Variants in KIF1B observed in about 807,000 individuals in gnomAD.
KIF1B encodes kinesin-like protein KIF1B.
In KIF1B, 76 loss-of-function variants were observed where a neutral mutation model predicts 241.9. The observed-to-expected ratio is 0.31, with a 90% CI of 0.26 to 0.38. The LOEUF (loss-of-function observed/expected upper bound fraction) is 0.38, where lower values mean the gene tolerates loss of function less well. Among genes scored for constraint, KIF1B ranks in the 10% least tolerant of loss-of-function variants. The pLI is 1.00. For synonymous variants in KIF1B, 750 were observed against 796.7 expected (o/e 0.94, Z 0.99); for missense variants, 1,622 against 2,271.4 (o/e 0.71, Z 5.81).
At chr1:10,222,769 A>T (rs897495612) in intron 1 of KIF1B, among the ~76,000 whole-genome samples, 38 of 152,312 alleles carry the variant, frequency 2.5e-4, no homozygotes, top group African/African-American at 9.1e-4. Context: ...GCTCCATTCC[A>T]CTTTCCTAAC....
intron 1 of KIF1B, among the ~76,000 whole-genome samples, chr1:10,212,915 T>TATATATAC (rs1646715006): frequency 8.2e-6 from 1 of 121,676 alleles, no homozygotes; most frequent in South Asian, 2.4e-4. Flanking sequence ...TATATATATA[T>TATATATAC]ATATATATAT....
At chr1:10,227,589 G>C (rs1474473869) in intron 1 of KIF1B, 1 of 151,944 alleles carries the variant, frequency 6.6e-6, no homozygotes, top group African/African-American at 2.4e-5. Flanking sequence ...TTAATAAGCT[G>C]TGTATTTCCT....
chr1:10,277,194 C>T (rs529185876), intron 12 of KIF1B, among the ~76,000 whole-genome samples: 1 of 151,672 alleles, frequency 6.6e-6, no homozygotes, highest in Non-Finnish European at 1.5e-5. Flanking sequence ...ACCTGTAGTC[C>T]TAGCTACTTG....
Position 10,303,886 on chromosome 1 carries a change from G to A in KIF1B, c.2115+6640G>A, listed in dbSNP as rs1432098952. 18 of 1,614,112 alleles carry A rather than the reference G, an allele frequency of 1.1e-5. No individual in the cohort carries two copies. Among genetic ancestry groups the A allele is most frequent in the Non-Finnish European group, 1.4e-5 (16 of 1,180,038 alleles). On this transcript the variant is annotated intron_variant, in intron 22 of 48. Coordinates refer to ENST00000676179, the MANE Select transcript of KIF1B (RefSeq NM_001365951.3). The surrounding 1 kb of genome is among the most constrained non-coding windows in gnomAD (Gnocchi z 5.2). Reference sequence around the variant, plus strand: ...AGGAGACAATGGAGAACTTGCAAAAGAAGAACGTGTTTCCCAGCTGATGAA... The same window carrying A: ...AGGAGACAATGGAGAACTTGCAAAAAAAGAACGTGTTTCCCAGCTGATGAA...
intron 15 of KIF1B, among the ~76,000 whole-genome samples, chr1:10,290,255 A>G (rs1249367736): frequency 6.6e-6 from 1 of 152,110 alleles, no homozygotes; most frequent in Non-Finnish European, 1.5e-5. Context: ...TGCTGCCCCT[A>G]TCAACCCGTT....
At chr1:10,347,957 C>CT in intron 36 of KIF1B, 130 bp downstream of exon 36, 1 of 720,176 alleles carries the variant, frequency 1.4e-6, no homozygotes, top group South Asian at 1.7e-5. Flanking sequence ...GTCCTGTTGT[C>CT]ATTTTTTTTT....
chr1:10,290,530 G>A (rs187295324), intron 15 of KIF1B, among the ~76,000 whole-genome samples: 1 of 151,904 alleles, frequency 6.6e-6, no homozygotes, highest in African/African-American at 2.4e-5. Context: ...TGCTCAGGCT[G>A]CAGTGCAGTG....
At chr1:10,264,720 G>A (rs571012568) in intron 5 of KIF1B, among the ~76,000 whole-genome samples, 3 of 151,840 alleles carry the variant, frequency 2.0e-5, no homozygotes, top group Non-Finnish European at 2.9e-5. Flanking sequence ...GGAGTGCAGC[G>A]GCGCGGTCTC....
At chr1:10,319,664 T>G (rs1190001280) in intron 22 of KIF1B, among the ~76,000 whole-genome samples, 1 of 152,220 alleles carries the variant, frequency 6.6e-6, no homozygotes, top group African/African-American at 2.4e-5. Context: ...ATATTGTTTT[T>G]CTCTGGAATT....
At chr1:10,282,636 C>G (rs1428051075) in intron 15 of KIF1B, 103 bp downstream of exon 15, 16 of 960,906 alleles carry the variant, frequency 1.7e-5, no homozygotes, top group Non-Finnish European at 5.0e-6. Context: ...ATGGAGAACT[C>G]TTTGACTCTT....
chr1:10,348,831 A>G, intron 37 of KIF1B, 98 bp downstream of exon 37: 1 of 857,584 alleles, frequency 1.2e-6, no homozygotes, highest in Non-Finnish European at 1.9e-6. Context: ...GCTGGAGTAC[A>G]GTGATGAGAT....
chr1:10,367,322 C>T (rs1638603637), intron 43 of KIF1B, among the ~76,000 whole-genome samples: 1 of 151,488 alleles, frequency 6.6e-6, no homozygotes. Context: ...TCTTGAACTC[C>T]TGACCTCAGG....
At chr1:10,351,592 C>G (rs1652795538) in intron 37 of KIF1B, among the ~76,000 whole-genome samples, 1 of 152,098 alleles carries the variant, frequency 6.6e-6, no homozygotes, top group Non-Finnish European at 1.5e-5. Flanking sequence ...AGGCCAAGTC[C>G]TTAACGTCTA....
rs978307749 is a variant in KIF1B at position 10,378,215 on chromosome 1, C to G, written c.*1628C>G. On this transcript the variant is annotated 3_prime_UTR_variant, in exon 49 of 49. Coordinates refer to ENST00000676179, the MANE Select transcript of KIF1B (RefSeq NM_001365951.3). ...CAATATGCCTAGGGGCACGGATGAA[C>G]GTCCAGGGAGCCCGGGCCCCAGGCT... 1.5e-6 allele frequency: 1 copy of G among 678,062 alleles called. No homozygotes were observed. Among genetic ancestry groups the G allele is most frequent in the East Asian group, 2.7e-5 (1 of 37,026 alleles). The allele number at this position is 678,062 out of a possible 1,614,324, so 42.0% of individuals were successfully genotyped here.
At chr1:10,304,818 T>G (rs1650746042) in intron 22 of KIF1B, 3 of 1,475,486 alleles carry the variant, frequency 2.0e-6, no homozygotes, top group African/African-American at 2.8e-5. Flanking sequence ...ACCTCCCTTT[T>G]GCTTGTATAC....
chr1:10,256,555 A>G (rs1323224682), intron 3 of KIF1B, among the ~76,000 whole-genome samples: 1 of 152,126 alleles, frequency 6.6e-6, no homozygotes, highest in Non-Finnish European at 1.5e-5. Flanking sequence ...CATACAGAAC[A>G]TATTTAGTTT....
At chr1:10,349,791 T>A (rs1370888871) in intron 37 of KIF1B, among the ~76,000 whole-genome samples, 1 of 152,174 alleles carries the variant, frequency 6.6e-6, no homozygotes, top group Non-Finnish European at 1.5e-5. Context: ...GTTTGGAACT[T>A]TTGTTGCCAT....
At position 10,378,808 on chromosome 1, in the gene KIF1B, A is replaced by G; in HGVS notation, c.*2221A>G. ...AGGAAAAGTGAATCACGGAGAGAGA[A>G]AGGAAAGGATAGAATCACAGGCTGC... On this transcript the variant is annotated 3_prime_UTR_variant, in exon 49 of 49. Transcript: ENST00000676179. 1 of 253,342 alleles carries G rather than the reference A, an allele frequency of 3.9e-6. No homozygotes were observed. Among genetic ancestry groups the G allele is most frequent in the Non-Finnish European group, 7.7e-6 (1 of 129,738 alleles). 15.7% of individuals were successfully genotyped at this position (253,342 alleles called of 1,614,324 possible). A position where few individuals can be genotyped will look rare whatever the true frequency, so the allele number is the denominator to read the frequency against.
At chr1:10,285,295 C>G (rs929340203) in intron 15 of KIF1B, among the ~76,000 whole-genome samples, 18 of 152,176 alleles carry the variant, frequency 1.2e-4, no homozygotes, top group Non-Finnish European at 2.5e-4. Context: ...TTTCCTTTGA[C>G]CTTCCTCTTG....
Sources: gnomAD v4.1 joint callset for allele counts (sites outside exome capture counted in the v4.1 genomes callset) on GRCh38, gnomAD v4.1.1 for gene constraint, Gnocchi (gnomAD v3.1) non-coding constraint, MANE v1.5 for transcripts, NCBI Gene and HGNC (gene_info 2026-07-23, HGNC 2026-07-21) for gene names.